The following DIP2C variants were observed in gnomAD, a reference collection of about 807,000 sequenced individuals.
The protein encoded by DIP2C is DIP2 acetate--CoA ligase C (putative), also known as disco-interacting protein 2 homolog C.
A neutral mutation model predicts 192.4 loss-of-function variants in DIP2C; 33 were observed. The observed-to-expected ratio is 0.17, with a 90% confidence interval of 0.13 to 0.23. DIP2C has a LOEUF of 0.23. DIP2C is among the 10% of genes least tolerant of loss of function. The pLI, the probability that DIP2C is intolerant of heterozygous loss-of-function variation, is 1.00. For synonymous variants in DIP2C, 979 were observed against 864.1 expected (o/e 1.13, Z -2.33); for missense variants, 1,537 against 2,110.1 (o/e 0.73, Z 5.32).
intron 1 of DIP2C, among the ~76,000 whole-genome samples, chr10:631,922 A>G (rs576604613): frequency 7.3e-4 from 112 of 152,382 alleles, no homozygotes; most frequent in African/African-American, 2.5e-3. Context: ...TCCATTAAAT[A>G]AATAGTCAAT....
At chr10:526,003 T>A (rs1343252906) in intron 1 of DIP2C, among the ~76,000 whole-genome samples, 3 of 152,240 alleles carry the variant, frequency 2.0e-5, no homozygotes, top group African/African-American at 7.2e-5. Flanking sequence ...GCACACCACC[T>A]CCTTCTGCAA....
chr10:476,991 CCA>C (rs1236838755), intron 2 of DIP2C, among the ~76,000 whole-genome samples: 1 of 138,030 alleles, frequency 7.2e-6, no homozygotes, highest in Non-Finnish European at 1.6e-5. Context: ...CTCAGGGCTC[CCA>C]CAGAGGGCTG....
intron 29 of DIP2C, among the ~76,000 whole-genome samples, chr10:338,008 T>TGC (rs1957952043): frequency 1.3e-5 from 2 of 152,124 alleles, no homozygotes; most frequent in African/African-American, 2.4e-5. Context: ...GCTGTGTGTG[T>TGC]GCTGTGGAGG....
chr10:525,977 AG>A, intron 1 of DIP2C, among the ~76,000 whole-genome samples: 1 of 152,310 alleles, frequency 6.6e-6, no homozygotes, highest in Admixed American at 6.5e-5. Flanking sequence ...TGGCTCACAC[AG>A]GCAGTGGAAC....
chr10:289,225 G>A (rs970963484), intron 32 of DIP2C, among the ~76,000 whole-genome samples: 1 of 151,678 alleles, frequency 6.6e-6, no homozygotes, highest in Admixed American at 6.6e-5. Context: ...TGCGGGCAGG[G>A]GGCCTGTGGG....
At chr10:539,535 A>ACCCAC (rs1401607508) in intron 1 of DIP2C, among the ~76,000 whole-genome samples, 1 of 152,178 alleles carries the variant, frequency 6.6e-6, no homozygotes, top group African/African-American at 2.4e-5. Flanking sequence ...CAGTCCTGCA[A>ACCCAC]CCCACCCCCA....
chr10:552,513 T>G (rs1279732806), intron 1 of DIP2C, among the ~76,000 whole-genome samples: 1 of 152,246 alleles, frequency 6.6e-6, no homozygotes, highest in East Asian at 1.9e-4. Context: ...AAATAAGTAA[T>G]TCTGTTCAGT....
At chr10:480,094 G>C (rs944350127) in intron 2 of DIP2C, among the ~76,000 whole-genome samples, 2 of 148,090 alleles carry the variant, frequency 1.4e-5, no homozygotes, top group Admixed American at 6.7e-5. Context: ...CCTGAGCTCC[G>C]GTCCACGCTC....
At chr10:358,314 T>A (rs1959172493) in intron 22 of DIP2C, among the ~76,000 whole-genome samples, 1 of 151,122 alleles carries the variant, frequency 6.6e-6, no homozygotes, top group Non-Finnish European at 1.5e-5. Flanking sequence ...GACCTGTGGC[T>A]CCCGTCTGTT....
At chr10:605,969 G>C (rs1852429481) in intron 1 of DIP2C, among the ~76,000 whole-genome samples, 1 of 152,276 alleles carries the variant, frequency 6.6e-6, no homozygotes, top group African/African-American at 2.4e-5. Flanking sequence ...GGTCCCACTT[G>C]CGAGACGTTC....
At position 329,534 on chromosome 10, in the gene DIP2C, G is replaced by C; in HGVS notation, c.3652C>G (p.Leu1218Val). ...SELETNPALW[L>V]LAVSQYKVRD... ...ACTTTGTACTGACTCACGGCAAGAA[G>C]CCACAAGGCGGGGTTGGTTTCCAGC... Residue 1218 changes from leucine to valine, a missense_variant, in exon 30 of 37, where the codon CTT (leucine) becomes GTT (valine). Physicochemically the swap from Leu to Val is conservative, Grantham distance 32. Around this residue, in one of 4 missense-constraint regions of DIP2C, gnomAD observed 341 missense variants for 551.7 expected, o/e 0.62. Transcript: ENST00000280886. 6.2e-7 allele frequency: 1 copy of C among 1,614,216 alleles called. No homozygotes were observed. The highest frequency in any genetic ancestry group is 8.5e-7 in the Non-Finnish European group (1 of 1,180,038).
At chr10:441,548 C>T (rs1485641082) in intron 3 of DIP2C, among the ~76,000 whole-genome samples, 1 of 152,052 alleles carries the variant, frequency 6.6e-6, no homozygotes, top group African/African-American at 2.4e-5. Context: ...CCCATCTTTC[C>T]CGTGCTATTA....
chr10:519,401 A>T (rs1846558269), intron 1 of DIP2C, among the ~76,000 whole-genome samples: 1 of 152,096 alleles, frequency 6.6e-6, no homozygotes, highest in East Asian at 1.9e-4. Context: ...AGGTTTCTGA[A>T]CTCATTCAAT....
At chr10:372,720 G>T (rs181833136) in intron 17 of DIP2C, among the ~76,000 whole-genome samples, 33 of 150,668 alleles carry the variant, frequency 2.2e-4, no homozygotes, top group Middle Eastern at 6.8e-3. Context: ...AGCGCAGGAG[G>T]TCCCAACACA....
chr10:567,199 T>C (rs1002855495), intron 1 of DIP2C, among the ~76,000 whole-genome samples: 4 of 84,872 alleles, frequency 4.7e-5, no homozygotes, highest in Admixed American at 4.3e-4. Flanking sequence ...TTTTGTTTTG[T>C]TTTTTTTAAG....
intron 1 of DIP2C, among the ~76,000 whole-genome samples, chr10:507,863 C>T (rs988961669): frequency 1.6e-4 from 25 of 152,296 alleles, no homozygotes; most frequent in African/African-American, 6.0e-4. Flanking sequence ...CCTGACCATT[C>T]ACCTGAGGCC....
intron 29 of DIP2C, among the ~76,000 whole-genome samples, chr10:337,148 T>TG: frequency 2.1e-5 from 1 of 47,816 alleles, no homozygotes; most frequent in African/African-American, 7.3e-5. Flanking sequence ...GTGTGTGTGT[T>TG]GTGGAGGCCT....
intron 1 of DIP2C, among the ~76,000 whole-genome samples, chr10:499,536 G>A (rs1588308622): frequency 6.6e-6 from 1 of 152,182 alleles, no homozygotes; most frequent in African/African-American, 2.4e-5. Context: ...AGGTGTGCGA[G>A]GGGGAGGACA....
In DIP2C at chr10:387,771, C is replaced by A. The variant is rs778121403; in HGVS notation, c.1636G>T (p.Val546Phe). 1.2e-6 allele frequency: 2 copies of A among 1,614,196 alleles called. No individual in the cohort carries two copies. Among genetic ancestry groups the A allele is most frequent in the Middle Eastern group, 1.6e-4 (1 of 6,062 alleles). ...IVNVLDFKKDVGLWHGILTSV... is the reference protein window; with the variant it reads ...IVNVLDFKKDFGLWHGILTSV... ...GTCAGGATGCCATGCCAGAGCCCGA[C>A]GTCCTTCTTGAAATCCAGCACATTC... The change falls in exon 14 of 37, where the codon GTC becomes TTC. Residue 546 changes from valine (V) to phenylalanine (F), a missense_variant. Val to Phe is a conservative substitution (Grantham distance 50, BLOSUM62 -1). This residue lies in a region of DIP2C where 677 missense variants were observed against 989.9 expected (regional missense o/e 0.68). Coordinates refer to ENST00000280886, the MANE Select transcript of DIP2C (RefSeq NM_014974.3).
Sources: allele counts gnomAD v4.1 joint callset (sites outside exome capture counted in the v4.1 genomes callset), GRCh38; gene constraint gnomAD v4.1.1; regional missense constraint gnomAD v4.1.1; transcripts MANE v1.5; gene names NCBI Gene and HGNC (gene_info 2026-07-23, HGNC 2026-07-21).